EFCAB7: variants seen among roughly 807,000 people sequenced by gnomAD.
EFCAB7 encodes EF-hand calcium-binding domain-containing protein 7.
In EFCAB7, 66 loss-of-function variants were observed where a neutral mutation model predicts 77.1. The observed-to-expected ratio is 0.86, with a 90% CI of 0.70 to 1.05. The LOEUF is 1.05. Among genes scored for constraint, EFCAB7 ranks in the 50% least tolerant of loss-of-function variants. The pLI is 0.00. For synonymous variants in EFCAB7, 225 were observed against 243.3 expected (o/e 0.92, Z 0.70); for missense variants, 638 against 730.5 (o/e 0.87, Z 1.46).
At chr1:63,544,820 C>T (rs1017970096) in intron 6 of EFCAB7, among the ~76,000 whole-genome samples, 3 of 152,112 alleles carry the variant, frequency 2.0e-5, no homozygotes, top group East Asian at 1.9e-4. Context: ...TTTAGCAATC[C>T]TTAATTCTTC....
intron 6 of EFCAB7, among the ~76,000 whole-genome samples, chr1:63,539,229 A>G (rs1646800146): frequency 6.6e-6 from 1 of 152,188 alleles, no homozygotes. Flanking sequence ...TATGTTTACT[A>G]CCAGTGTACC....
intron 11 of EFCAB7, among the ~76,000 whole-genome samples, chr1:63,568,041 A>AT (rs1328256243): frequency 2.0e-5 from 3 of 151,972 alleles, no homozygotes; most frequent in Non-Finnish European, 4.4e-5. Context: ...AAGAGATGGT[A>AT]TTATGGTTTA....
chr1:63,565,641 G>T (rs1269724922), intron 11 of EFCAB7, among the ~76,000 whole-genome samples: 1 of 151,974 alleles, frequency 6.6e-6, no homozygotes, highest in East Asian at 1.9e-4. Flanking sequence ...TCTGACAAAG[G>T]TCTAATATCC....
chr1:63,532,798 GAA>G, intron 4 of EFCAB7, 42 bp downstream of exon 4: 12 of 1,503,222 alleles, frequency 8.0e-6, no homozygotes, highest in Non-Finnish European at 9.1e-6. Context: ...TACTGTGTTG[GAA>G]AAGTGTTTTT....
intron 2 of EFCAB7, among the ~76,000 whole-genome samples, chr1:63,528,664 CATATT>C (rs1260928718): frequency 6.6e-6 from 1 of 151,784 alleles, no homozygotes; most frequent in African/African-American, 2.4e-5. Context: ...CAAAAAATCT[CATATT>C]ATACACCTAC....
chr1:63,572,531 A>G lies in EFCAB7; in HGVS notation c.*15A>G. 7.1e-7 allele frequency: 1 copy of G among 1,410,432 alleles called. No individual in the cohort carries two copies. The highest frequency in any genetic ancestry group is 9.5e-7 in the Non-Finnish European group (1 of 1,050,722). The allele number at this position is 1,410,432 out of a possible 1,614,324, so 87.4% of individuals were successfully genotyped here. Reference sequence around the variant, plus strand: ...TTATTTCTTAAATAATTATACTTAGAACTTACCAAACTAAGAATTATTTCA... The same window carrying G: ...TTATTTCTTAAATAATTATACTTAGGACTTACCAAACTAAGAATTATTTCA... On this transcript the variant is annotated 3_prime_UTR_variant, in exon 14 of 14. Coordinates refer to ENST00000371088, the MANE Select transcript of EFCAB7 (RefSeq NM_032437.4).
intron 2 of EFCAB7, 30 bp downstream of exon 2, chr1:63,525,789 C>A: frequency 6.9e-7 from 1 of 1,440,334 alleles, no homozygotes; most frequent in Non-Finnish European, 9.3e-7. Flanking sequence ...AAATCTTTCA[C>A]CTTTTTGTTG....
Position 63,568,499 on chromosome 1 carries a change from A to G in EFCAB7, c.1687A>G (p.Thr563Ala). The change falls in exon 12 of 14, where the codon ACG (threonine) becomes GCG (alanine). Residue 563 changes from threonine to alanine, a missense_variant. Physicochemically the swap from Thr to Ala is moderately conservative, Grantham distance 58 (BLOSUM62 0). Transcript: ENST00000371088. ...VHTYSCDTWITSVIENKSDEK... is the reference protein window; with the variant it reads ...VHTYSCDTWIASVIENKSDEK... ...TACTTACAGTTGTGACACCTGGATA[A>G]CGTCAGTTATTGAAAACAAGGTATC... is the stretch of plus-strand genomic sequence containing the variant. 3 of 1,602,024 alleles carry G rather than the reference A, an allele frequency of 1.9e-6. No homozygotes were observed. The highest frequency in any genetic ancestry group is 2.3e-5 in the South Asian group (2 of 88,194).
chr1:63,533,424 T>C, intron 4 of EFCAB7, 30 bp from the exon 5 acceptor site: 1 of 1,562,270 alleles, frequency 6.4e-7, no homozygotes, highest in South Asian at 1.2e-5. Context: ...GATTGAATGT[T>C]TTACCCACTG....
chr1:63,554,644 T>A (rs1055147440), intron 8 of EFCAB7, among the ~76,000 whole-genome samples: 8 of 152,226 alleles, frequency 5.3e-5, no homozygotes, highest in Non-Finnish European at 1.2e-4. Context: ...CCAGCCTGCT[T>A]TCTTTATAGA....
downstream of EFCAB7, among the ~76,000 whole-genome samples, chr1:63,575,929 G>A (rs1299586882): frequency 6.6e-5 from 10 of 151,940 alleles, no homozygotes; most frequent in Non-Finnish European, 1.2e-4. Flanking sequence ...TTTATAATGG[G>A]GATACTAAGT....
chr1:63,562,051 G>A (rs1647107899), intron 11 of EFCAB7, among the ~76,000 whole-genome samples, 194 bp downstream of exon 11: 1 of 151,984 alleles, frequency 6.6e-6, no homozygotes, highest in Non-Finnish European at 1.5e-5. Context: ...TTTAGTTACT[G>A]CCAACATTAA....
intron 6 of EFCAB7, among the ~76,000 whole-genome samples, chr1:63,541,596 G>T (rs1646829612): frequency 6.6e-6 from 1 of 150,482 alleles, no homozygotes; most frequent in Non-Finnish European, 1.5e-5. Context: ...ACGGAGTTTT[G>T]CCGTGTTACC....
At chr1:63,532,884 G>A (rs1646716088) in intron 4 of EFCAB7, 128 bp downstream of exon 4, 3 of 661,386 alleles carry the variant, frequency 4.5e-6, no homozygotes, top group Admixed American at 3.6e-5. Context: ...TGTATACATT[G>A]TGAAACAATT....
chr1:63,562,367 A>G (rs1278711707), intron 11 of EFCAB7, among the ~76,000 whole-genome samples: 1 of 148,244 alleles, frequency 6.7e-6, no homozygotes, highest in Non-Finnish European at 1.5e-5. Context: ...TATCATTAAC[A>G]TGATAGGTAT....
chr1:63,582,425 A>C, the EFCAB7 span, among the ~76,000 whole-genome samples: 1 of 152,388 alleles, frequency 6.6e-6, no homozygotes, highest in South Asian at 2.1e-4. Context: ...AAGGAAATTC[A>C]TAACACCGTT....
chr1:63,584,781 T>C, the EFCAB7 span, among the ~76,000 whole-genome samples: 1 of 152,192 alleles, frequency 6.6e-6, no homozygotes, highest in Non-Finnish European at 1.5e-5. Context: ...CTAACTTTAT[T>C]GTTTATGTTC....
At chr1:63,540,854 T>TG (rs1383589633) in intron 6 of EFCAB7, among the ~76,000 whole-genome samples, 1 of 131,056 alleles carries the variant, frequency 7.6e-6, no homozygotes, top group Non-Finnish European at 1.7e-5. Context: ...AATCTTAAAA[T>TG]GCAGTTTAAG....
chr1:63,537,006 T>C (rs1646771190), intron 6 of EFCAB7, among the ~76,000 whole-genome samples: 1 of 152,182 alleles, frequency 6.6e-6, no homozygotes. Context: ...AAAATTGTTG[T>C]GATAGATAAG....
Sources: gnomAD v4.1 joint callset for allele counts (sites outside exome capture counted in the v4.1 genomes callset) on GRCh38, gnomAD v4.1.1 for gene constraint, MANE v1.5 for transcripts, NCBI Gene and HGNC (gene_info 2026-07-23, HGNC 2026-07-21) for gene names.